PCSK5: variants seen among roughly 807,000 people sequenced by gnomAD.
PCSK5 encodes the protein proprotein convertase subtilisin/kexin type 5.
Under a neutral mutation model 233.2 loss-of-function variants are expected in PCSK5, and 129 were observed. That is an observed-to-expected ratio of 0.55 (90% CI 0.48 to 0.64). The LOEUF (loss-of-function observed/expected upper bound fraction) is 0.64. Ranked by LOEUF, PCSK5 falls within the 30% of genes least tolerant of loss-of-function variation. The pLI is 0.00. For missense variants in PCSK5, 2,076 were observed against 2,430.1 expected (o/e 0.85, Z 3.06); for synonymous variants, 825 against 879.2 (o/e 0.94, Z 1.09).
At chr9:76,032,142 A>G (rs1349874059) in intron 5 of PCSK5, among the ~76,000 whole-genome samples, 1 of 152,206 alleles carries the variant, frequency 6.6e-6, no homozygotes, top group Non-Finnish European at 1.5e-5. Context: ...ATTTGTAATT[A>G]TCATCAGAAT....
chr9:76,357,766 C>A (rs1238420164), intron 37 of PCSK5, among the ~76,000 whole-genome samples: 1 of 152,118 alleles, frequency 6.6e-6, no homozygotes, highest in African/African-American at 2.4e-5. Context: ...CACTTCCTCT[C>A]GATGGACTTT....
intron 2 of PCSK5, among the ~76,000 whole-genome samples, chr9:75,933,424 A>G (rs562111491): frequency 1.1e-3 from 169 of 152,262 alleles, no homozygotes; most frequent in Middle Eastern, 6.8e-3. Flanking sequence ...GGTTTGCCTT[A>G]AGAACTCATT....
At chr9:76,302,280 G>A (rs538126307) in intron 28 of PCSK5, 63 bp downstream of exon 28, 201 of 760,976 alleles carry the variant, frequency 2.6e-4, no homozygotes, top group South Asian at 3.4e-4. Flanking sequence ...GATGGTCTCC[G>A]TGGAGAAATC....
chr9:76,115,831 T>G (rs1832402002), intron 9 of PCSK5, among the ~76,000 whole-genome samples: 2 of 152,112 alleles, frequency 1.3e-5, no homozygotes, highest in Non-Finnish European at 2.9e-5. Flanking sequence ...TAAACATAGT[T>G]CAAACTTAAT....
intron 33 of PCSK5, among the ~76,000 whole-genome samples, chr9:76,330,954 A>G (rs1442972235): frequency 6.6e-6 from 1 of 152,086 alleles, no homozygotes; most frequent in African/African-American, 2.4e-5. Context: ...ATCATCTCAG[A>G]TGCCTTCATA....
At chr9:75,968,988 G>GT (rs1279369334) in intron 2 of PCSK5, among the ~76,000 whole-genome samples, 1 of 144,254 alleles carries the variant, frequency 6.9e-6, no homozygotes, top group African/African-American at 2.5e-5. Context: ...AGAAGGTCTG[G>GT]AAGTCCACTA....
intron 2 of PCSK5, among the ~76,000 whole-genome samples, chr9:75,976,905 C>G (rs764393291): frequency 2.0e-5 from 3 of 151,998 alleles, no homozygotes; most frequent in Non-Finnish European, 4.4e-5. Flanking sequence ...TTTCTATGCT[C>G]TTTGTATTTT....
chr9:76,044,493 C>G (rs1829295643), intron 5 of PCSK5, among the ~76,000 whole-genome samples: 1 of 152,106 alleles, frequency 6.6e-6, no homozygotes, highest in Non-Finnish European at 1.5e-5. Context: ...GTCTTATTAC[C>G]ACTGGGAGAC....
chr9:75,969,988 C>G (rs908670458), intron 2 of PCSK5, among the ~76,000 whole-genome samples: 2 of 151,462 alleles, frequency 1.3e-5, no homozygotes, highest in African/African-American at 2.4e-5. Context: ...ATTCTCCTGT[C>G]TCAGCCTCCC....
chr9:76,069,333 C>T (rs1451287114), intron 6 of PCSK5, among the ~76,000 whole-genome samples: 1 of 152,032 alleles, frequency 6.6e-6, no homozygotes, highest in Non-Finnish European at 1.5e-5. Flanking sequence ...CACAGACACA[C>T]AGCCCCAGGT....
rs777269744 is a variant in PCSK5 at position 76,068,010 on chromosome 9, A to G, written c.688A>G (p.Thr230Ala). 6.8e-6 allele frequency: 11 copies of G among 1,613,982 alleles called. No individual in the cohort carries two copies. The highest frequency in any genetic ancestry group is 1.1e-5 in the South Asian group (1 of 91,082). ...VAAAANNSHC[T>A]VGIAFNAKIG... Reference sequence around the variant, plus strand: ...AGCCGCTGCAAACAATTCGCACTGCACAGTCGGAATTGCTTTCAACGCCAA... The same window carrying G: ...AGCCGCTGCAAACAATTCGCACTGCGCAGTCGGAATTGCTTTCAACGCCAA... The change falls in exon 6 of 38, where the codon ACA becomes GCA. Residue 230 changes from threonine (T) to alanine (A), a missense_variant. Physicochemically the swap from Thr to Ala is moderately conservative, Grantham distance 58. This residue lies in a region of PCSK5 where 178 missense variants were observed against 393.6 expected (regional missense o/e 0.45). Transcript: ENST00000674117.
At chr9:76,184,798 G>A (rs1824027216) in intron 17 of PCSK5, 41 bp downstream of exon 17, 1 of 1,154,796 alleles carries the variant, frequency 8.7e-7, no homozygotes, top group South Asian at 1.3e-5. Flanking sequence ...ACAGCCCAAA[G>A]AGCTTCTCAA....
At chr9:76,216,371 T>C (rs1319882116) in intron 20 of PCSK5, among the ~76,000 whole-genome samples, 1 of 152,196 alleles carries the variant, frequency 6.6e-6, no homozygotes, top group Admixed American at 6.5e-5. Context: ...AAGCATCCTC[T>C]CATGATGTTA....
intron 35 of PCSK5, among the ~76,000 whole-genome samples, chr9:76,340,991 G>C (rs553779578): frequency 6.6e-6 from 1 of 151,568 alleles, no homozygotes; most frequent in African/African-American, 2.4e-5. Context: ...GAGGTGGGAG[G>C]ATCACTAGAG....
chr9:75,974,747 C>A (rs187779087), intron 2 of PCSK5, among the ~76,000 whole-genome samples: 1 of 152,098 alleles, frequency 6.6e-6, no homozygotes, highest in South Asian at 2.1e-4. Context: ...GCCCACATTG[C>A]GGGTCTTCAT....
intron 7 of PCSK5, among the ~76,000 whole-genome samples, chr9:76,094,039 G>T (rs1348178022): frequency 3.3e-5 from 5 of 152,080 alleles, no homozygotes; most frequent in Non-Finnish European, 5.9e-5. Context: ...CCCAGCTGTC[G>T]AGCAGCAATA....
intron 20 of PCSK5, chr9:76,193,967 T>A (rs924791240): frequency 6.6e-6 from 1 of 152,426 alleles, no homozygotes; most frequent in East Asian, 1.9e-4. Context: ...TGTGTACTTA[T>A]GTACTGGTTT....
intron 5 of PCSK5, among the ~76,000 whole-genome samples, chr9:76,041,442 T>G (rs1458806113): frequency 6.6e-6 from 1 of 152,192 alleles, no homozygotes; most frequent in East Asian, 1.9e-4. Flanking sequence ...GCCAGACATT[T>G]CTTATTTTCC....
At chr9:76,003,282 A>C (rs1587484203) in intron 3 of PCSK5, among the ~76,000 whole-genome samples, 1 of 152,172 alleles carries the variant, frequency 6.6e-6, no homozygotes, top group Non-Finnish European at 1.5e-5. Context: ...CTGAGGTGGG[A>C]GTATCACTTG....
Sources: allele counts gnomAD v4.1 joint callset (sites outside exome capture counted in the v4.1 genomes callset), GRCh38; gene constraint gnomAD v4.1.1; regional missense constraint gnomAD v4.1.1; transcripts MANE v1.5; gene names NCBI Gene and HGNC (gene_info 2026-07-23, HGNC 2026-07-21).